The following NELFA variants were observed in gnomAD, a reference collection of about 807,000 sequenced individuals.
NELFA encodes negative elongation factor complex member A.
NELFA carries 35 observed loss-of-function variants against 51.8 expected under a neutral mutation model. That is an observed-to-expected ratio of 0.68 (90% CI 0.52 to 0.90). The LOEUF is 0.90. NELFA is among the 40% of genes least tolerant of loss of function. The probability of loss-of-function intolerance (pLI) is 0.00; values close to 1 mark genes in which losing one functional copy is unlikely to be tolerated. For missense variants in NELFA, 658 were observed against 746.4 expected (o/e 0.88, Z 1.38); for synonymous variants, 417 against 338.4 (o/e 1.23, Z -2.55).
rs370880231 is a variant in NELFA at position 1,991,768 on chromosome 4, C to T, written c.211-53G>A. The T allele has an allele frequency of 9.2e-6, 14 of 1,528,992 alleles. No homozygotes were observed. The East Asian group carries it at 3.2e-4, about 35-fold the overall frequency. 94.7% of individuals were successfully genotyped at this position (1,528,992 alleles called of 1,614,324 possible). ...CCATGCCCCTGCCCACTTCCAAGCC[C>T]ACTCCCTGCTGAGCTTCCGGATGGG... is the stretch of plus-strand genomic sequence containing the variant. On this transcript the variant is annotated intron_variant, in intron 1 of 10. Coordinates refer to ENST00000382882, the MANE Select transcript of NELFA (RefSeq NM_005663.5).
Position 1,986,249 on chromosome 4 carries a change from C to T in NELFA, c.765+23G>A, listed in dbSNP as rs1728091296. The T allele has an allele frequency of 3.2e-6, 5 of 1,570,992 alleles. No homozygotes were observed. In the African/African-American group the frequency reaches 5.4e-5, roughly 17 times the overall value. ...GGGCGCAACGGGCCCCGGGGTGCCACAGGAGCTGGGGGACGGGCCTACCTT... is the reference window on the plus strand; with the variant it reads ...GGGCGCAACGGGCCCCGGGGTGCCATAGGAGCTGGGGGACGGGCCTACCTT... On this transcript the variant is annotated intron_variant, in intron 5 of 10. Coordinates refer to ENST00000382882, the MANE Select transcript of NELFA (RefSeq NM_005663.5).
At chr4:1,985,223 G>A (rs865935532) in intron 7 of NELFA, among the ~76,000 whole-genome samples, 1 of 152,212 alleles carries the variant, frequency 6.6e-6, no homozygotes. Flanking sequence ...TGATATAAAG[G>A]AAGATGCTCA....
In NELFA at chr4:1,999,873, C is replaced by T. The variant is rs544758684; in HGVS notation, c.211-8158G>A. Among the ~76,000 whole-genome samples the T allele has an allele frequency of 3.3e-5, 5 of 152,224 alleles. No individual in the cohort carries two copies. The South Asian group carries it at 1.0e-3, about 32-fold the overall frequency. On this transcript the variant is annotated intron_variant, in intron 1 of 10. Transcript: ENST00000382882. ...TACGTGGCACTTACTCTAAAATCGA[C>T]CATGTAATTAACTGGAAGTCAGCAA... is the stretch of plus-strand genomic sequence containing the variant.
rs1256930794 is a variant in NELFA, at chr4:1,984,930, G to T, written c.925-11C>A. Reference sequence around the variant, plus strand: ...CAGGGACCCAAGTTTCTGGAACACAGAGTTTAAGGTTCCTTCCAGAAGAGG... The same window carrying T: ...CAGGGACCCAAGTTTCTGGAACACATAGTTTAAGGTTCCTTCCAGAAGAGG... On this transcript the variant is annotated splice_polypyrimidine_tract_variant and intron_variant, in intron 7 of 10. Coordinates refer to ENST00000382882, the MANE Select transcript of NELFA (RefSeq NM_005663.5). The T allele has an allele frequency of 6.4e-7, 1 of 1,551,070 alleles. No homozygotes were observed. Among genetic ancestry groups the T allele is most frequent in the Non-Finnish European group, 8.7e-7 (1 of 1,143,722 alleles).
intron 2 of NELFA, chr4:1,990,598 G>T (rs1020747411): frequency 6.8e-6 from 3 of 442,562 alleles, no homozygotes; most frequent in Non-Finnish European, 9.2e-6. Flanking sequence ...GCAGGGGGGT[G>T]GCCAGCAGGG....
chr4:2,006,080 C>T (rs542620714), intron 1 of NELFA, among the ~76,000 whole-genome samples: 8 of 152,272 alleles, frequency 5.3e-5, no homozygotes, highest in East Asian at 1.9e-4. Context: ...TTGCTCCGTC[C>T]GCTAACAAGG....
Position 1,983,523 on chromosome 4 carries a change from C to T in NELFA, c.1403-20G>A, listed in dbSNP as rs773641933. ...GGTTCTCTGCAGAGAGCAGGAGCTG[C>T]TGGGTGGGTGTCTGGGGGCACCCGC... On this transcript the variant is annotated intron_variant, in intron 10 of 10. Transcript: ENST00000382882. The T allele has an allele frequency of 2.5e-6, 4 of 1,612,864 alleles. No individual in the cohort carries two copies. In the African/African-American group the frequency reaches 4.0e-5, roughly 16 times the overall value.
In NELFA at chr4:1,985,864, T is replaced by A; in HGVS notation, c.836A>T (p.Asp279Val). Reference sequence around the variant, plus strand: ...GGCCGGCTTCTCCACCACCTCCGCATCTGTGGACAAAACAGGAGTCCTCGC... The same window carrying A: ...GGCCGGCTTCTCCACCACCTCCGCAACTGTGGACAAAACAGGAGTCCTCGC... ...REAKRRRKTL[D>V]AEVVEKPAKE... is the part of the protein sequence containing the mutation. The change falls in exon 7 of 11, where the codon GAT becomes GTT. Residue 279 changes from aspartate to valine, a missense_variant and splice_region_variant. Coordinates refer to ENST00000382882, the MANE Select transcript of NELFA (RefSeq NM_005663.5). The A allele has an allele frequency of 6.2e-7, 1 of 1,612,222 alleles. No individual in the cohort carries two copies. Among genetic ancestry groups the A allele is most frequent in the Non-Finnish European group, 8.5e-7 (1 of 1,179,172 alleles).
chr4:2,007,087 G>A (rs1728729126), intron 1 of NELFA: 1 of 386,880 alleles, frequency 2.6e-6, no homozygotes, highest in African/African-American at 2.1e-5. Context: ...GTGAAACCCT[G>A]TAGTCCCAGC....
rs375680713 is a variant in NELFA, at chr4:1,985,736, C to T, written c.924+40G>A. The stretch of plus-strand genomic sequence containing the variant: ...CCACAATCGGAACAAAAGGGGCACC[C>T]GCAGTGGTGCCAGACATGGGGTGCA... On this transcript the variant is annotated intron_variant, in intron 7 of 10. Coordinates refer to ENST00000382882, the MANE Select transcript of NELFA (RefSeq NM_005663.5). The T allele has an allele frequency of 4.0e-5, 61 of 1,536,906 alleles. No individual in the cohort carries two copies. In the African/African-American group the frequency reaches 4.1e-4, roughly 10 times the overall value.
chr4:1,985,743 G>C lies in NELFA; in HGVS notation c.924+33C>G, dbSNP rs953692316. ...CGGAACAAAAGGGGCACCCGCAGTGGTGCCAGACATGGGGTGCAGCCCCGA... is the reference window on the plus strand; with the variant it reads ...CGGAACAAAAGGGGCACCCGCAGTGCTGCCAGACATGGGGTGCAGCCCCGA... On this transcript the variant is annotated intron_variant, in intron 7 of 10. Transcript: ENST00000382882. 11 of 1,588,202 alleles carry C rather than the reference G, an allele frequency of 6.9e-6. No individual in the cohort carries two copies. In the African/African-American group the frequency reaches 8.1e-5, roughly 12 times the overall value.
intron 1 of NELFA, among the ~76,000 whole-genome samples, chr4:2,006,354 C>T (rs1393290726): frequency 1.3e-5 from 2 of 152,222 alleles, no homozygotes; most frequent in East Asian, 3.8e-4. Flanking sequence ...TGTACAGCTA[C>T]GCCAAGATAA....
At chr4:1,984,780 G>T in intron 8 of NELFA, 28 bp downstream of exon 8, 1 of 1,515,188 alleles carries the variant, frequency 6.6e-7, no homozygotes, top group South Asian at 1.2e-5. Flanking sequence ...CAGCTTGGCT[G>T]GTTCCAGGCT....
At chr4:1,986,737 G>A (rs922731258) in intron 4 of NELFA, among the ~76,000 whole-genome samples, 3 of 148,478 alleles carry the variant, frequency 2.0e-5, no homozygotes, top group African/African-American at 7.5e-5. Flanking sequence ...GAAGCCAGGC[G>A]CCTGGGCTTG....
Position 1,989,782 on chromosome 4 carries a change from G to C in NELFA, c.470C>G (p.Thr157Ser). The change falls in exon 3 of 11, where the codon ACT becomes AGT. Residue 157 changes from threonine to serine, a missense_variant. Transcript: ENST00000382882. The surrounding 1 kb of genome is among the most constrained non-coding windows in gnomAD (Gnocchi z 4.8). ...TAACTGAAAATGCTTCACCGGGGGA[G>C]TGAGGGGTCCCGCGAGGGTCGTCAG... The part of the protein sequence containing the change: ...NALTTLAGPL[T>S]PPVKHFQLKR... The C allele has an allele frequency of 1.2e-6, 2 of 1,614,222 alleles. No homozygotes were observed. The highest frequency in any genetic ancestry group is 1.7e-6 in the Non-Finnish European group (2 of 1,180,044).
intron 1 of NELFA, among the ~76,000 whole-genome samples, chr4:1,993,623 A>C (rs970712844): frequency 6.6e-6 from 1 of 151,562 alleles, no homozygotes; most frequent in Non-Finnish European, 1.5e-5. Flanking sequence ...AGAAAGAAAG[A>C]AAAAAGAAAA....
In NELFA at chr4:1,989,852, A is replaced by T; in HGVS notation, c.400T>A (p.Ser134Thr). 6.2e-7 allele frequency: 1 copy of T among 1,613,830 alleles called. No individual in the cohort carries two copies. The highest frequency in any genetic ancestry group is 1.1e-5 in the South Asian group (1 of 91,058). Reference sequence around the variant, plus strand: ...TGGCACTCCAGTGGCAGCATGGCAGACGCTTCACACTCACCCACTGCCGGT... The same window carrying T: ...TGGCACTCCAGTGGCAGCATGGCAGTCGCTTCACACTCACCCACTGCCGGT... Reference protein sequence around the residue: ...LREKVGECEASAMLPLECQYL... With the variant: ...LREKVGECEATAMLPLECQYL... The change falls in exon 3 of 11, where the codon TCT (serine) becomes ACT (threonine). Residue 134 changes from serine to threonine, a missense_variant. This residue lies in a region of NELFA where 371 missense variants were observed against 448.3 expected (regional missense o/e 0.83). Coordinates refer to ENST00000382882, the MANE Select transcript of NELFA (RefSeq NM_005663.5). The surrounding 1 kb of genome is among the most constrained non-coding windows in gnomAD (Gnocchi z 4.8).
intron 1 of NELFA, chr4:1,992,033 G>C (rs767478381): frequency 1.5e-5 from 4 of 274,760 alleles, no homozygotes; most frequent in Middle Eastern, 1.2e-3. Context: ...AACCTGAAGG[G>C]TGAGAAGCCG....
At chr4:2,001,882 G>A (rs1219206570) in intron 1 of NELFA, among the ~76,000 whole-genome samples, 8 of 149,944 alleles carry the variant, frequency 5.3e-5, no homozygotes, top group African/African-American at 1.7e-4. Flanking sequence ...CAGCCTGGCC[G>A]ACAGAGCGAG....
Sources: gnomAD v4.1 joint callset for allele counts (sites outside exome capture counted in the v4.1 genomes callset) on GRCh38, gnomAD v4.1.1 for gene constraint, gnomAD v4.1.1 regional missense constraint, Gnocchi (gnomAD v3.1) non-coding constraint, MANE v1.5 for transcripts, NCBI Gene and HGNC (gene_info 2026-07-23, HGNC 2026-07-21) for gene names.